The following HLA-DRB5 variants were observed in gnomAD, a reference collection of about 807,000 sequenced individuals.
The protein encoded by HLA-DRB5 is major histocompatibility complex, class II, DR beta 5.
A neutral mutation model predicts 22.4 loss-of-function variants in HLA-DRB5; 11 were observed. That is an observed-to-expected ratio of 0.49 (90% confidence interval 0.31 to 0.81). The LOEUF is 0.81. Ranked by LOEUF, HLA-DRB5 falls within the 40% of genes least tolerant of loss-of-function variation. The pLI, the probability that HLA-DRB5 is intolerant of heterozygous loss-of-function variation, is 0.05. For synonymous variants in HLA-DRB5, 57 were observed against 106.0 expected, an observed-to-expected ratio of 0.54 and a Z score of 2.84; for missense variants, 106 against 274.4, an observed-to-expected ratio of 0.39 and a Z score of 4.34.
In HLA-DRB5 at chr6:32,519,443, A is replaced by G. The variant is rs1581577859; in HGVS notation, c.579T>C (p.Val193=). ...AGGTGTAAACCTCTCCACTTCGAGG[A>G]ACTGTTTCCAGCATCACCAGGGTCT... ...TFQTLVMLET[V]PRSGEVYTCQ... Residue 193 remains valine, a synonymous_variant, in exon 3 of 6, where the codon GTT becomes GTC. Coordinates refer to ENST00000374975, the MANE Select transcript of HLA-DRB5 (RefSeq NM_002125.4). The G allele has an allele frequency of 7.6e-7, 1 of 1,323,606 alleles. No individual in the cohort carries two copies. The allele number at this position is 1,323,606 out of a possible 1,614,324, so 82.0% of individuals were successfully genotyped here.
In HLA-DRB5 at chr6:32,519,612, G is replaced by A; in HGVS notation, c.410C>T (p.Thr137Ile). The stretch of plus-strand genomic sequence containing the variant: ...GACCAGGAGGTTGTGGTGCTGCAGG[G>A]TCTGGGTCCTTGCAGGATACACAGT... ...KVTVYPARTQ[T>I]LQHHNLLVCS... Residue 137 changes from threonine (T) to isoleucine (I), a missense_variant, in exon 3 of 6, where the codon ACC becomes ATC. Thr to Ile is a moderately conservative substitution (Grantham distance 89). Transcript: ENST00000374975. 4.4e-6 allele frequency: 4 copies of A among 912,774 alleles called. 2 individuals are homozygous for A. The highest frequency in any genetic ancestry group is 3.1e-6 in the Non-Finnish European group (2 of 655,364). The allele number at this position is 912,774 out of a possible 1,614,324, so 56.5% of individuals were successfully genotyped here.
Position 32,521,811 on chromosome 6 carries a change from T to A in HLA-DRB5, c.370+94A>T, listed in dbSNP as rs867212581. 1.1e-3 allele frequency: 264 copies of A among 249,044 alleles called. 6 individuals carry two copies. Among genetic ancestry groups the A allele is most frequent in the Middle Eastern group, 1.2e-3 (1 of 832 alleles). 15.4% of individuals were successfully genotyped at this position (249,044 alleles called of 1,614,324 possible). On this transcript the variant is annotated intron_variant, in intron 2 of 5. Transcript: ENST00000374975. Reference sequence around the variant, plus strand: ...CTCTGTCTCTCTCTTCCTCTCTCTCTCACACACACACACACACACACACAC... The same window carrying A: ...CTCTGTCTCTCTCTTCCTCTCTCTCACACACACACACACACACACACACAC...
At chr6:32,524,311 T>G (rs115563132) in intron 1 of HLA-DRB5, among the ~76,000 whole-genome samples, 7,718 of 105,012 alleles carry the variant, frequency 0.073, 266 homozygotes, top group Middle Eastern at 0.13. Flanking sequence ...ATCATTTGTC[T>G]TTCATATCAT....
intron 1 of HLA-DRB5, among the ~76,000 whole-genome samples, chr6:32,522,757 G>C (rs185481819): frequency 3.8e-5 from 2 of 52,690 alleles, no homozygotes; most frequent in South Asian, 4.9e-4. Context: ...GAAGTGTGGA[G>C]TTCCAGAACA....
intron 1 of HLA-DRB5, among the ~76,000 whole-genome samples, chr6:32,523,381 T>TGTAC (rs758231087): frequency 0.12 from 4,169 of 35,764 alleles, 1,391 homozygotes; most frequent in Non-Finnish European, 0.15. Context: ...TAAAATACTA[T>TGTAC]ATATTTTAGA....
chr6:32,525,593 T>C (rs1769508170), intron 1 of HLA-DRB5, among the ~76,000 whole-genome samples: 2 of 118,670 alleles, frequency 1.7e-5, no homozygotes, highest in African/African-American at 3.5e-5. Flanking sequence ...CCTGCTGACA[T>C]AGAAGAAATG....
chr6:32,519,002 A>T (rs35273488), intron 3 of HLA-DRB5, among the ~76,000 whole-genome samples: 4,169 of 81,754 alleles, frequency 0.051, no homozygotes, highest in Non-Finnish European at 0.061. Flanking sequence ...TCATGTCAGG[A>T]AGGCCCCTAC....
At chr6:32,529,508 A>T (rs186989813) in intron 1 of HLA-DRB5, among the ~76,000 whole-genome samples, 2 of 46,908 alleles carry the variant, frequency 4.3e-5, no homozygotes, top group Non-Finnish European at 8.7e-5. Flanking sequence ...CACATACTAA[A>T]GATCTCAGCT....
At chr6:32,524,422 G>T (rs73726194) in intron 1 of HLA-DRB5, among the ~76,000 whole-genome samples, 50,411 of 92,210 alleles carry the variant, frequency 0.55, 12,640 homozygotes, top group Middle Eastern at 0.67. Context: ...ACTAACTCAC[G>T]TCTTTCAGTC....
intron 2 of HLA-DRB5, among the ~76,000 whole-genome samples, chr6:32,520,771 T>C (rs189930246): frequency 6.0e-3 from 240 of 39,870 alleles, no homozygotes; most frequent in African/African-American, 6.3e-3. Flanking sequence ...AGTTTTGGAA[T>C]ATATTTTATT....
intron 1 of HLA-DRB5, among the ~76,000 whole-genome samples, chr6:32,523,818 A>AGGCCAGGCGCG (rs1297317675): frequency 8.5e-6 from 1 of 118,148 alleles, no homozygotes; most frequent in Non-Finnish European, 1.8e-5. Context: ...ATGTGAGTCT[A>AGGCCAGGCGCG]GAATTTTCAG....
At chr6:32,525,873 T>C (rs1211429048) in intron 1 of HLA-DRB5, among the ~76,000 whole-genome samples, 585 of 65,896 alleles carry the variant, frequency 8.9e-3, no homozygotes, top group Middle Eastern at 0.019. Context: ...TAGTAACTGG[T>C]ATATTCTAAG....
intron 1 of HLA-DRB5, among the ~76,000 whole-genome samples, chr6:32,525,404 G>C (rs112119955): frequency 0.082 from 2,600 of 31,880 alleles, 999 homozygotes; most frequent in Middle Eastern, 0.16. Flanking sequence ...CCTATAACTG[G>C]AGCTCACATT....
chr6:32,519,596 G>A lies in HLA-DRB5; in HGVS notation c.426C>T (p.Asn142=). 2.7e-6 allele frequency: 3 copies of A among 1,118,508 alleles called. 1 individual carries two copies. Among genetic ancestry groups the A allele is most frequent in the Non-Finnish European group, 3.7e-6 (3 of 812,510 alleles). The allele number at this position is 1,118,508 out of a possible 1,614,324, so 69.3% of individuals were successfully genotyped here. ...PARTQTLQHH[N]LLVCSVNGFY... ...AACCATTCACAGAGCAGACCAGGAGGTTGTGGTGCTGCAGGGTCTGGGTCC... is the reference window on the plus strand; with the variant it reads ...AACCATTCACAGAGCAGACCAGGAGATTGTGGTGCTGCAGGGTCTGGGTCC... Residue 142 remains asparagine, a synonymous_variant, in exon 3 of 6, where the codon AAC becomes AAT. Coordinates refer to ENST00000374975, the MANE Select transcript of HLA-DRB5 (RefSeq NM_002125.4).
Position 32,517,956 on chromosome 6 carries a change from CAA to C in HLA-DRB5, c.787+96_787+97del, listed in dbSNP as rs1768320274. On this transcript the variant is annotated intron_variant, in intron 5 of 5. Coordinates refer to ENST00000374975, the MANE Select transcript of HLA-DRB5 (RefSeq NM_002125.4). Reference sequence around the variant, plus strand: ...AATTGCCTGATCAGGAATTTGGATCCAAAGTCTTTCCTGCTATTTCTGTCTCA... The same window carrying C: ...AATTGCCTGATCAGGAATTTGGATCCAGTCTTTCCTGCTATTTCTGTCTCA... The C allele has an allele frequency of 3.3e-5, 9 of 270,734 alleles. 4 individuals are homozygous for C. Among genetic ancestry groups the C allele is most frequent in the Middle Eastern group, 1.8e-3 (2 of 1,126 alleles). The allele number at this position is 270,734 out of a possible 1,614,324, so 16.8% of individuals were successfully genotyped here.
chr6:32,523,308 A>T (rs113698029), intron 1 of HLA-DRB5, among the ~76,000 whole-genome samples: 941 of 30,694 alleles, frequency 0.031, 227 homozygotes, highest in East Asian at 0.053. Context: ...TGGTGACATG[A>T]GCTTCTGTAG....
chr6:32,519,790 G>GTGTCATCAGCCTGGAATTTAATCTTGA, intron 2 of HLA-DRB5, 139 bp from the exon 3 acceptor site: 6 of 428,688 alleles, frequency 1.4e-5, no homozygotes, highest in East Asian at 3.5e-5. Flanking sequence ...AGGCCTCACA[G>GTGTCATCAGCCTGGAATTTAATCTTGA]TGTCATCAGC....
chr6:32,519,184 C>A (rs138636844), intron 3 of HLA-DRB5, among the ~76,000 whole-genome samples, 186 bp downstream of exon 3: 4,382 of 36,816 alleles, frequency 0.12, 3 homozygotes, highest in Middle Eastern at 0.16. Context: ...GGAATGACTG[C>A]TTCCCCAGAG....
intron 1 of HLA-DRB5, among the ~76,000 whole-genome samples, chr6:32,525,742 T>C (rs796997698): frequency 0.11 from 14,107 of 133,042 alleles, 3 homozygotes; most frequent in East Asian, 0.15. Context: ...AGCAGGATCA[T>C]TATTGAAATT....
Sources: gnomAD v4.1 joint callset for allele counts (sites outside exome capture counted in the v4.1 genomes callset) on GRCh38, gnomAD v4.1.1 for gene constraint, MANE v1.5 for transcripts, NCBI Gene and HGNC (gene_info 2026-07-23, HGNC 2026-07-21) for gene names.